PLCL1: variants seen among roughly 807,000 people sequenced by gnomAD.
The protein encoded by PLCL1 is phospholipase C like 1 (inactive).
A neutral mutation model predicts 84.4 loss-of-function variants in PLCL1; 41 were observed. The ratio of observed to expected loss-of-function variants is 0.49; its 90% CI spans 0.38 to 0.63. PLCL1 has a LOEUF of 0.63. PLCL1 is among the 30% of genes least tolerant of loss of function. The pLI is 0.00. For synonymous variants in PLCL1, 490 were observed against 488.3 expected (o/e 1.00, Z -0.05); for missense variants, 1,206 against 1,367.8 (o/e 0.88, Z 1.87).
At chr2:197,969,120 C>A (rs889173363) in intron 1 of PLCL1, among the ~76,000 whole-genome samples, 1 of 152,118 alleles carries the variant, frequency 6.6e-6, no homozygotes, top group African/African-American at 2.4e-5. Context: ...GAGTCTAATG[C>A]CTGATGATCT....
At chr2:197,954,458 C>T (rs911524143) in intron 1 of PLCL1, among the ~76,000 whole-genome samples, 3 of 152,042 alleles carry the variant, frequency 2.0e-5, no homozygotes, top group Non-Finnish European at 4.4e-5. Flanking sequence ...CCTCCTGTTT[C>T]CTTCAAAATG....
In PLCL1 at chr2:198,027,736, T is replaced by C. The variant is rs1267383355; in HGVS notation, c.241-56022T>C. 2.0e-5 allele frequency among the ~76,000 whole-genome samples: 3 copies of C among 152,240 alleles called. No homozygotes were observed. The East Asian group carries it at 5.8e-4, about 29-fold the overall frequency. On this transcript the variant is annotated intron_variant, in intron 1 of 5. Coordinates refer to ENST00000428675, the MANE Select transcript of PLCL1 (RefSeq NM_006226.4). Reference sequence around the variant, plus strand: ...TAGTGCTATACTTATGTTAATATCCTAGTTTTTGATAACTTTAGTATGGTT... The same window carrying C: ...TAGTGCTATACTTATGTTAATATCCCAGTTTTTGATAACTTTAGTATGGTT...
chr2:198,146,322 A>G (rs1694515230), intron 5 of PLCL1, among the ~76,000 whole-genome samples: 1 of 152,208 alleles, frequency 6.6e-6, no homozygotes, highest in Non-Finnish European at 1.5e-5. Context: ...CTTACTTTAC[A>G]GAAGACACTT....
Position 197,958,924 on chromosome 2 carries a change from T to C in PLCL1, c.241-124834T>C, listed in dbSNP as rs370367631. On this transcript the variant is annotated intron_variant, in intron 1 of 5. Coordinates refer to ENST00000428675, the MANE Select transcript of PLCL1 (RefSeq NM_006226.4). ...CTCTTGTGCACTAATCTGTATTGCC[T>C]CTTAATTACTACAGGATTCTCAAAC... Among the ~76,000 whole-genome samples, 15 of 110,218 alleles carry C rather than the reference T, an allele frequency of 1.4e-4. 1 individual carries two copies. The highest frequency in any genetic ancestry group is 5.5e-4 in the African/African-American group (15 of 27,428). The allele number at this position is 110,218 out of a possible 152,430, so 72.3% of individuals were successfully genotyped here.
chr2:197,968,373 A>AT (rs932273138), intron 1 of PLCL1, among the ~76,000 whole-genome samples: 1 of 152,190 alleles, frequency 6.6e-6, no homozygotes, highest in Non-Finnish European at 1.5e-5. Flanking sequence ...ATTATCAGAG[A>AT]TCCCCCCTTA....
intron 1 of PLCL1, among the ~76,000 whole-genome samples, chr2:197,941,052 A>G (rs1041185294): frequency 6.6e-6 from 1 of 152,216 alleles, no homozygotes; most frequent in African/African-American, 2.4e-5. Flanking sequence ...CTAAAGTTGC[A>G]GGGAGCCCAT....
At chr2:197,837,720 G>A (rs1691220150) in intron 1 of PLCL1, among the ~76,000 whole-genome samples, 1 of 152,130 alleles carries the variant, frequency 6.6e-6, no homozygotes, top group Non-Finnish European at 1.5e-5. Flanking sequence ...GTGTAAAATT[G>A]TTAACTAAAA....
intron 1 of PLCL1, among the ~76,000 whole-genome samples, chr2:197,849,882 CA>C (rs1687194131): frequency 6.6e-6 from 1 of 152,146 alleles, no homozygotes; most frequent in South Asian, 2.1e-4. Context: ...AGTAGATTAT[CA>C]TTTGAGTGAC....
intron 1 of PLCL1, among the ~76,000 whole-genome samples, chr2:197,929,930 T>A (rs944837214): frequency 1.3e-5 from 2 of 152,194 alleles, no homozygotes; most frequent in East Asian, 3.8e-4. Context: ...AAACATTACC[T>A]AAAGTTGTTC....
At chr2:198,107,293 C>T (rs1259747821) in intron 5 of PLCL1, among the ~76,000 whole-genome samples, 1 of 151,824 alleles carries the variant, frequency 6.6e-6, no homozygotes, top group African/African-American at 2.4e-5. Context: ...CCACCAGGTC[C>T]CTCCTACAAC....
At chr2:198,093,514 G>A (rs1209539596) in intron 3 of PLCL1, among the ~76,000 whole-genome samples, 1 of 152,104 alleles carries the variant, frequency 6.6e-6, no homozygotes, top group Non-Finnish European at 1.5e-5. Flanking sequence ...AAACTGATTT[G>A]GATGAATAAG....
chr2:197,922,018 A>ATTTTTTTTTTTTTTTTTTTTTTTTT (rs1688709763), intron 1 of PLCL1, among the ~76,000 whole-genome samples: 1 of 106,078 alleles, frequency 9.4e-6, no homozygotes, highest in African/African-American at 3.1e-5. Context: ...TTTTTTTTTT[A>ATTTTTTTTTTTTTTTTTTTTTTTTT]AATTTATTTT....
chr2:198,126,037 A>G (rs905614866), intron 5 of PLCL1, among the ~76,000 whole-genome samples: 5 of 152,170 alleles, frequency 3.3e-5, no homozygotes, highest in African/African-American at 1.2e-4. Flanking sequence ...ACAAAGTTTT[A>G]AAATCCTGTC....
At chr2:197,897,216 TCTTCTTCCTCTTCTTCTTCCTC>T (rs1688170016) in intron 1 of PLCL1, among the ~76,000 whole-genome samples, 1 of 149,014 alleles carries the variant, frequency 6.7e-6, no homozygotes. Context: ...TTCTTCTTCC[TCTTCTTCCTCTTCTTCTTCCTC>T]CTTCTTCCTC....
intron 1 of PLCL1, among the ~76,000 whole-genome samples, chr2:197,824,695 C>G (rs1690890545): frequency 7.6e-6 from 1 of 130,892 alleles, no homozygotes; most frequent in Non-Finnish European, 1.6e-5. Context: ...GCCCGGGCAA[C>G]AGAGCGAGAC....
chr2:198,081,674 A>T (rs1432168137), intron 1 of PLCL1, among the ~76,000 whole-genome samples: 1 of 152,176 alleles, frequency 6.6e-6, no homozygotes, highest in African/African-American at 2.4e-5. Context: ...TATCATTGTC[A>T]CTTGAAGATC....
chr2:197,950,579 C>T (rs1518360), intron 1 of PLCL1, among the ~76,000 whole-genome samples: 73,425 of 151,936 alleles, frequency 0.48, 18,152 homozygotes, highest in Middle Eastern at 0.58. Flanking sequence ...CACTAGTAGC[C>T]GTATTGTAAC....
chr2:197,888,559 A>G (rs539979317), intron 1 of PLCL1, among the ~76,000 whole-genome samples: 11 of 152,294 alleles, frequency 7.2e-5, no homozygotes, highest in Middle Eastern at 6.8e-3. Context: ...TTCCTCAACT[A>G]TAGAGTGAGG....
intron 1 of PLCL1, among the ~76,000 whole-genome samples, chr2:197,989,532 C>T (rs2105811364): frequency 6.6e-6 from 1 of 152,072 alleles, no homozygotes; most frequent in Admixed American, 6.5e-5. Flanking sequence ...AGATGGTTTC[C>T]AAAACTGACC....
Sources: gnomAD v4.1 joint callset for allele counts (sites outside exome capture counted in the v4.1 genomes callset) on GRCh38, gnomAD v4.1.1 for gene constraint, MANE v1.5 for transcripts, NCBI Gene and HGNC (gene_info 2026-07-23, HGNC 2026-07-21) for gene names.